HS3ST2: variants seen among roughly 807,000 people sequenced by gnomAD.
HS3ST2 encodes the protein heparan sulfate-glucosamine 3-sulfotransferase 2.
Under a neutral mutation model 26.3 loss-of-function variants are expected in HS3ST2, and 17 were observed. The ratio of observed to expected loss-of-function variants is 0.65; its 90% CI spans 0.44 to 0.97. HS3ST2 has a LOEUF of 0.97. Among genes scored for constraint, HS3ST2 ranks in the 50% least tolerant of loss-of-function variants. HS3ST2 has a pLI of 0.00. For synonymous variants in HS3ST2, 237 were observed against 219.2 expected (o/e 1.08, Z -0.72); for missense variants, 402 against 501.2 (o/e 0.80, Z 1.89).
chr16:22,858,352 T>A (rs1469039694), intron 1 of HS3ST2, among the ~76,000 whole-genome samples: 1 of 150,938 alleles, frequency 6.6e-6, no homozygotes, highest in African/African-American at 2.4e-5. Flanking sequence ...TTTTAAAAAA[T>A]TTTAAAGAAG....
chr16:22,841,807 C>A (rs1209497745), intron 1 of HS3ST2, among the ~76,000 whole-genome samples: 2 of 152,052 alleles, frequency 1.3e-5, no homozygotes, highest in Non-Finnish European at 2.9e-5. Flanking sequence ...TAGGTGAATT[C>A]TGTCAATATT....
intron 1 of HS3ST2, among the ~76,000 whole-genome samples, chr16:22,908,540 G>T (rs1279570424): frequency 6.6e-6 from 1 of 152,162 alleles, no homozygotes; most frequent in African/African-American, 2.4e-5. Context: ...GCTCCATCTG[G>T]TGAGGACCTT....
rs1457894532 is a variant in HS3ST2, at chr16:22,888,859, C to A, written c.486-26085C>A. On this transcript the variant is annotated intron_variant, in intron 1 of 1. Transcript: ENST00000261374. ...CACTCTCTGGGACAGAGTGAGGTGC[C>A]ACTACCTCACAGGTTCTCATTGCAC... Among the ~76,000 whole-genome samples, 8 of 152,312 alleles carry A rather than the reference C, an allele frequency of 5.3e-5. No individual in the cohort carries two copies. The South Asian group carries it at 1.7e-3, about 32-fold the overall frequency.
At chr16:22,887,771 A>AC (rs1304183354) in intron 1 of HS3ST2, among the ~76,000 whole-genome samples, 2 of 130,684 alleles carry the variant, frequency 1.5e-5, no homozygotes, top group Non-Finnish European at 3.2e-5. Flanking sequence ...ATATAACGAG[A>AC]CCCCATCTCT....
chr16:22,814,175 G>A lies in HS3ST2; in HGVS notation c.-436G>A, dbSNP rs1900811899. 6.1e-6 allele frequency: 1 copy of A among 163,178 alleles called. No individual in the cohort carries two copies. The highest frequency in any genetic ancestry group is 2.4e-5 in the African/African-American group (1 of 41,914). The allele number at this position is 163,178 out of a possible 1,614,324, so 10.1% of individuals were successfully genotyped here. A position where few individuals can be genotyped will look rare whatever the true frequency, so the allele number is the denominator to read the frequency against. On this transcript the variant is annotated 5_prime_UTR_variant, in exon 1 of 2. Transcript: ENST00000261374. ...CGCGCTCCGCTCGGCATTTCCCGAAGAGCCAGATCGCGGCCGGCGCCAGCG... is the reference window on the plus strand; with the variant it reads ...CGCGCTCCGCTCGGCATTTCCCGAAAAGCCAGATCGCGGCCGGCGCCAGCG...
intron 1 of HS3ST2, among the ~76,000 whole-genome samples, chr16:22,828,624 G>A (rs952193535): frequency 1.3e-5 from 2 of 152,212 alleles, no homozygotes; most frequent in Non-Finnish European, 2.9e-5. Context: ...CTTTCATTTT[G>A]CTCAGGCGAG....
chr16:22,887,043 T>C (rs1347475717), intron 1 of HS3ST2, among the ~76,000 whole-genome samples: 1 of 152,204 alleles, frequency 6.6e-6, no homozygotes, highest in Non-Finnish European at 1.5e-5. Flanking sequence ...CAAGCCACCA[T>C]GCCTGATCTA....
intron 1 of HS3ST2, among the ~76,000 whole-genome samples, chr16:22,864,304 C>T (rs1206662189): frequency 6.6e-6 from 1 of 152,160 alleles, no homozygotes; most frequent in Non-Finnish European, 1.5e-5. Context: ...TTAGATAAGG[C>T]AGAAAGAGGG....
chr16:22,879,714 T>A (rs1901962977), intron 1 of HS3ST2, among the ~76,000 whole-genome samples: 2 of 152,296 alleles, frequency 1.3e-5, no homozygotes, highest in African/African-American at 4.8e-5. Context: ...CATCAGTCTG[T>A]CAGCCTCTCT....
At chr16:22,897,306 C>T (rs1902223803) in intron 1 of HS3ST2, among the ~76,000 whole-genome samples, 1 of 152,266 alleles carries the variant, frequency 6.6e-6, no homozygotes, top group South Asian at 2.1e-4. Flanking sequence ...AGTACTACAT[C>T]TATGTTATTT....
chr16:22,824,846 T>A (rs1319333700), intron 1 of HS3ST2, among the ~76,000 whole-genome samples: 1 of 152,102 alleles, frequency 6.6e-6, no homozygotes, highest in Non-Finnish European at 1.5e-5. Context: ...TTCTTCCACC[T>A]CAGGGTGCTC....
At chr16:22,821,693 G>A (rs1900995906) in intron 1 of HS3ST2, among the ~76,000 whole-genome samples, 1 of 152,156 alleles carries the variant, frequency 6.6e-6, no homozygotes. Context: ...TTGGTGCCAG[G>A]CTGCTGTAGG....
chr16:22,815,078 C>T lies in HS3ST2; in HGVS notation c.468C>T (p.Arg156=), dbSNP rs765330717. 3.7e-6 allele frequency: 6 copies of T among 1,612,980 alleles called. No individual in the cohort carries two copies. Among genetic ancestry groups the T allele is most frequent in the South Asian group, 2.2e-5 (2 of 91,078 alleles). The stretch of plus-strand genomic sequence containing the variant: ...ACTTCTTTGACAGGAACTACGGCCG[C>T]GGGCTGGATTGGTACAGGTAAGGAC... ...EPHFFDRNYG[R]GLDWYRSLMP... The change falls in exon 1 of 2, where the codon CGC becomes CGT. Residue 156 remains arginine, a synonymous_variant. Coordinates refer to ENST00000261374, the MANE Select transcript of HS3ST2 (RefSeq NM_006043.2).
Position 22,823,618 on chromosome 16 carries a change from T to TA in HS3ST2, c.485+8542dup, listed in dbSNP as rs35978909. 6.0e-3 allele frequency among the ~76,000 whole-genome samples: 826 copies of TA among 137,318 alleles called. 2 individuals carry two copies. Among genetic ancestry groups the TA allele is most frequent in the Middle Eastern group, 0.015 (4 of 264 alleles). The allele number at this position is 137,318 out of a possible 152,430, so 90.1% of individuals were successfully genotyped here. On this transcript the variant is annotated intron_variant, in intron 1 of 1. Coordinates refer to ENST00000261374, the MANE Select transcript of HS3ST2 (RefSeq NM_006043.2). ...GGGCAACATAGGGAGACCTCTTCTC[T>TA]AAAAAAAAAAAAAAAAAAATTAGCC... is the stretch of plus-strand genomic sequence containing the variant.
intron 1 of HS3ST2, among the ~76,000 whole-genome samples, chr16:22,875,015 C>T (rs1356054742): frequency 5.9e-5 from 9 of 152,216 alleles, no homozygotes; most frequent in East Asian, 5.8e-4. Context: ...TATACAGTCA[C>T]GTATCATTTA....
intron 1 of HS3ST2, among the ~76,000 whole-genome samples, chr16:22,856,155 C>T (rs1159259540): frequency 3.9e-5 from 6 of 152,188 alleles, no homozygotes; most frequent in African/African-American, 1.4e-4. Flanking sequence ...TGAACTGGCT[C>T]AGCAGGGATT....
intron 1 of HS3ST2, among the ~76,000 whole-genome samples, chr16:22,848,551 G>C (rs1901477534): frequency 6.6e-6 from 1 of 152,132 alleles, no homozygotes; most frequent in Admixed American, 6.5e-5. Flanking sequence ...GATTGCTTCT[G>C]AGTGCAGTTG....
chr16:22,879,324 A>G (rs994873940), intron 1 of HS3ST2, among the ~76,000 whole-genome samples: 26 of 152,218 alleles, frequency 1.7e-4, no homozygotes, highest in African/African-American at 5.5e-4. Flanking sequence ...GCTTTCTAAC[A>G]GCTAAGGCCC....
chr16:22,824,554 GCAAA>G (rs145348324), intron 1 of HS3ST2, among the ~76,000 whole-genome samples: 2,183 of 152,082 alleles, frequency 0.014, 20 homozygotes, highest in East Asian at 0.028. Flanking sequence ...CAAAAAGCAA[GCAAA>G]CAAACAAACA....
Sources: gnomAD v4.1 joint callset for allele counts (sites outside exome capture counted in the v4.1 genomes callset) on GRCh38, gnomAD v4.1.1 for gene constraint, MANE v1.5 for transcripts, NCBI Gene and HGNC (gene_info 2026-07-23, HGNC 2026-07-21) for gene names.